The following KLHL2 variants were observed in gnomAD, a reference collection of about 807,000 sequenced individuals.
KLHL2 encodes the protein kelch-like protein 2.
A neutral mutation model predicts 75.8 loss-of-function variants in KLHL2; 15 were observed. The observed-to-expected ratio is 0.20, with a 90% confidence interval of 0.13 to 0.30. The LOEUF is 0.30. Among genes scored for constraint, KLHL2 ranks in the 10% least tolerant of loss-of-function variants. The pLI, the probability that KLHL2 is intolerant of heterozygous loss-of-function variation, is 1.00. For synonymous variants in KLHL2, 214 were observed against 251.9 expected (o/e 0.85, Z 1.42); for missense variants, 381 against 741.0 (o/e 0.51, Z 5.64).
At chr4:165,256,517 C>A (rs1434345399) in intron 4 of KLHL2, among the ~76,000 whole-genome samples, 1 of 152,068 alleles carries the variant, frequency 6.6e-6, no homozygotes, top group African/African-American at 2.4e-5. Context: ...ACTCCAAAGG[C>A]CTTTCAACAC....
chr4:165,261,380 A>G (rs1194388838), intron 4 of KLHL2, among the ~76,000 whole-genome samples: 5 of 152,060 alleles, frequency 3.3e-5, no homozygotes, highest in African/African-American at 9.7e-5. Context: ...TCTCTCTGTC[A>G]CCCAGGCTGG....
chr4:165,279,755 G>A (rs1714188262), intron 5 of KLHL2: 2 of 825,908 alleles, frequency 2.4e-6, no homozygotes, highest in Non-Finnish European at 4.2e-6. Context: ...CGAGTCCGCT[G>A]AACTAGCCTC....
rs763729661 is a variant in KLHL2, at chr4:165,310,661, T to TGCG, written c.1148_1149insGCG (p.Val383_Ala384insArg). On this transcript the variant is annotated inframe_insertion, in exon 10 of 15. Transcript: ENST00000226725. Reference sequence around the variant, plus strand: ...CCTGTGAAGGACCAGTGGACCAGCGTTGCTAACATGAGAGACCGGAGAAGC... The same window carrying TGCG: ...CCTGTGAAGGACCAGTGGACCAGCGTGCGTGCTAACATGAGAGACCGGAGAAGC... The TGCG allele has an allele frequency of 6.2e-7, 1 of 1,614,134 alleles. No individual in the cohort carries two copies. The highest frequency in any genetic ancestry group is 8.5e-7 in the Non-Finnish European group (1 of 1,179,998).
intron 6 of KLHL2, among the ~76,000 whole-genome samples, chr4:165,296,675 G>A (rs147173037): frequency 1.3e-5 from 2 of 152,262 alleles, no homozygotes; most frequent in African/African-American, 2.4e-5. Flanking sequence ...AGCAGGTTCC[G>A]ATATGGGATG....
chr4:165,279,666 C>G (rs1456049893), intron 5 of KLHL2: 1 of 1,607,396 alleles, frequency 6.2e-7, no homozygotes, highest in African/African-American at 1.3e-5. Context: ...TCAGGTCCGC[C>G]CGCGTTTGCG....
At chr4:165,224,469 A>G (rs1051405635) in intron 2 of KLHL2, among the ~76,000 whole-genome samples, 3 of 152,240 alleles carry the variant, frequency 2.0e-5, no homozygotes, top group Non-Finnish European at 4.4e-5. Flanking sequence ...CGTTCATAAC[A>G]GCAGTTCTTA....
In KLHL2 at chr4:165,210,426, T is replaced by C. The variant is rs376116392; in HGVS notation, c.26+2524T>C. On this transcript the variant is annotated intron_variant, in intron 1 of 14. Transcript: ENST00000226725. ...GAAATTAGCTTTTGATCTTTTGTGC[T>C]TTTTCTATTCCTTGCCTCCAACTTT... is the stretch of plus-strand genomic sequence containing the variant. Among the ~76,000 whole-genome samples the C allele has an allele frequency of 1.2e-4, 19 of 152,040 alleles. 1 individual carries two copies. In the South Asian group the frequency reaches 1.9e-3, roughly 15 times the overall value.
In KLHL2 at chr4:165,264,704, GTATATATATATATATACATATA is replaced by G. The variant is rs1160626654; in HGVS notation, c.544+1359_544+1380del. Among the ~76,000 whole-genome samples, 209 of 82,812 alleles carry G rather than the reference GTATATATATATATATACATATA, an allele frequency of 2.5e-3. 1 individual carries two copies. Among genetic ancestry groups the G allele is most frequent in the African/African-American group, 9.2e-3 (200 of 21,628 alleles). 54.3% of individuals were successfully genotyped at this position (82,812 alleles called of 152,430 possible). A position where few individuals can be genotyped will look rare whatever the true frequency, so the allele number is the denominator to read the frequency against. Reference sequence around the variant, plus strand: ...TGTATGTGTGTGTGTGTGTGTGTGTGTATATATATATATATACATATATATATATATATATGTATATATATAT... The same window carrying G: ...TGTATGTGTGTGTGTGTGTGTGTGTGTATATATATATATGTATATATATAT... On this transcript the variant is annotated intron_variant, in intron 5 of 14. Transcript: ENST00000226725.
intron 4 of KLHL2, among the ~76,000 whole-genome samples, chr4:165,254,525 A>G (rs1414180431): frequency 1.3e-5 from 2 of 152,234 alleles, no homozygotes; most frequent in Non-Finnish European, 2.9e-5. Context: ...GTATCTATTG[A>G]TCAATGTTCC....
chr4:165,314,224 G>T, intron 13 of KLHL2, 58 bp downstream of exon 13: 11 of 1,425,562 alleles, frequency 7.7e-6, no homozygotes, highest in Non-Finnish European at 1.1e-5. Context: ...AGTTTCACTG[G>T]TATCACTCTA....
In KLHL2 at chr4:165,218,223, G is replaced by A. The variant is rs140777748; in HGVS notation, c.27-1711G>A. Among the ~76,000 whole-genome samples, 623 of 152,154 alleles carry A rather than the reference G, an allele frequency of 4.1e-3. 4 individuals carry two copies. The highest frequency in any genetic ancestry group is 0.02 in the Middle Eastern group (6 of 294). On this transcript the variant is annotated intron_variant, in intron 1 of 14. Transcript: ENST00000226725. ...AAGTGGTCTTTGGAAAACGTAAGTC[G>A]GATTGTATCACTCTTTTGCAGTGTC...
At chr4:165,301,749 C>A (rs1454975583) in intron 8 of KLHL2, among the ~76,000 whole-genome samples, 1 of 152,072 alleles carries the variant, frequency 6.6e-6, no homozygotes, top group Admixed American at 6.5e-5. Flanking sequence ...TGTGCTATAT[C>A]TTTAATACTT....
At chr4:165,227,663 A>G (rs1292335714) in intron 2 of KLHL2, among the ~76,000 whole-genome samples, 2 of 152,198 alleles carry the variant, frequency 1.3e-5, no homozygotes, top group East Asian at 1.9e-4. Context: ...TATGACTACT[A>G]GCAAGGCAGG....
intron 4 of KLHL2, among the ~76,000 whole-genome samples, chr4:165,241,106 T>C (rs1384510828): frequency 6.6e-6 from 1 of 151,712 alleles, no homozygotes; most frequent in Non-Finnish European, 1.5e-5. Context: ...ATTTGTATAG[T>C]TTTGTTTTGT....
intron 4 of KLHL2, among the ~76,000 whole-genome samples, chr4:165,260,432 T>C (rs1741561083): frequency 6.6e-6 from 1 of 152,208 alleles, no homozygotes; most frequent in Admixed American, 6.5e-5. Context: ...TGACTTGTTA[T>C]GCCCCTTCCA....
At chr4:165,283,056 A>G (rs1210959316) in intron 5 of KLHL2, among the ~76,000 whole-genome samples, 2 of 152,240 alleles carry the variant, frequency 1.3e-5, no homozygotes, top group Middle Eastern at 3.4e-3. Flanking sequence ...CCTATTCACT[A>G]TCACGAGAAC....
At chr4:165,259,055 A>G (rs1406535018) in intron 4 of KLHL2, among the ~76,000 whole-genome samples, 2 of 152,346 alleles carry the variant, frequency 1.3e-5, no homozygotes, top group East Asian at 3.9e-4. Flanking sequence ...TTATTGAAAT[A>G]AATGGAAAAT....
At chr4:165,309,049 C>T (rs1745949330) in intron 9 of KLHL2, among the ~76,000 whole-genome samples, 2 of 152,328 alleles carry the variant, frequency 1.3e-5, no homozygotes, top group South Asian at 4.1e-4. Context: ...GCTCGTCAAA[C>T]ATATCTGGTG....
At chr4:165,302,822 A>G (rs1054944684) in intron 8 of KLHL2, among the ~76,000 whole-genome samples, 3 of 152,216 alleles carry the variant, frequency 2.0e-5, no homozygotes, top group Admixed American at 6.5e-5. Flanking sequence ...AGTTTAATTG[A>G]CGTACATTTC....
Sources: allele counts gnomAD v4.1 joint callset (sites outside exome capture counted in the v4.1 genomes callset), GRCh38; gene constraint gnomAD v4.1.1; transcripts MANE v1.5; gene names NCBI Gene and HGNC (gene_info 2026-07-23, HGNC 2026-07-21).